CATSPERE: variants seen among roughly 807,000 people sequenced by gnomAD.
CATSPERE encodes cation channel sperm-associated auxiliary subunit epsilon.
In CATSPERE, 93 loss-of-function variants were observed where a neutral mutation model predicts 114.1. The observed-to-expected ratio is 0.81, with a 90% CI of 0.69 to 0.97. The LOEUF is 0.97. Among genes scored for constraint, CATSPERE ranks in the 50% least tolerant of loss-of-function variants. CATSPERE has a pLI of 0.00. For missense variants in CATSPERE, 1,058 were observed against 1,131.6 expected, an observed-to-expected ratio of 0.93 and a Z score of 0.93; for synonymous variants, 341 against 384.1, an observed-to-expected ratio of 0.89 and a Z score of 1.31.
chr1:244,572,399 A>G lies in CATSPERE; in HGVS notation c.1577A>G (p.Asp526Gly). The change falls in exon 11 of 22, where the codon GAT becomes GGT. Residue 526 changes from aspartate (D) to glycine (G), a missense_variant. By Grantham distance (94) the Asp-to-Gly change is moderately conservative (BLOSUM62 -1). Coordinates refer to ENST00000366534, the MANE Select transcript of CATSPERE (RefSeq NM_001130957.2). Reference sequence around the variant, plus strand: ...TTTTATTCCAAGATTAATACTAGAGATGCAGTAAAGCTGCATTTATGGACA... The same window carrying G: ...TTTTATTCCAAGATTAATACTAGAGGTGCAGTAAAGCTGCATTTATGGACA... ...VIFYSKINTR[D>G]AVKLHLWTNY... 1.3e-6 allele frequency: 2 copies of G among 1,556,908 alleles called. No individual in the cohort carries two copies. The highest frequency in any genetic ancestry group is 1.8e-6 in the Non-Finnish European group (2 of 1,128,386).
intron 10 of CATSPERE, 131 bp from the exon 11 acceptor site, chr1:244,572,199 A>G: frequency 3.2e-6 from 2 of 629,948 alleles, no homozygotes; most frequent in Non-Finnish European, 5.7e-6. Context: ...ATATCTGCAC[A>G]TTCTAACTTT....
rs1183302183 is a variant in CATSPERE at position 244,461,388 on chromosome 1, C to T, written c.-42C>T. On this transcript the variant is annotated 5_prime_UTR_variant, in exon 1 of 22. It adds an upstream start codon to the 5' untranslated region. Coordinates refer to ENST00000366534, the MANE Select transcript of CATSPERE (RefSeq NM_001130957.2). ...CCCACGGGAATGCGCGAGGCCTGGACGGGAGTGGCCGAGGCGGTTGGGCGG... is the reference window on the plus strand; with the variant it reads ...CCCACGGGAATGCGCGAGGCCTGGATGGGAGTGGCCGAGGCGGTTGGGCGG... The T allele has an allele frequency of 7.5e-6, 10 of 1,329,742 alleles. 1 individual carries two copies. The African/African-American group carries it at 9.2e-5, about 12-fold the overall frequency. The allele number at this position is 1,329,742 out of a possible 1,614,324, so 82.4% of individuals were successfully genotyped here.
chr1:244,552,924 AGTT>A (rs1231036908), intron 9 of CATSPERE, 110 bp downstream of exon 9: 1 of 536,794 alleles, frequency 1.9e-6, no homozygotes, highest in Admixed American at 4.7e-5. Flanking sequence ...CTCTTTGCCC[AGTT>A]GTTTTATCTA....
rs1010529483 is a variant in CATSPERE, at chr1:244,560,760, C to T, written c.1122C>T (p.Thr374=). 4 of 1,613,940 alleles carry T rather than the reference C, an allele frequency of 2.5e-6. No homozygotes were observed. Among genetic ancestry groups the T allele is most frequent in the Non-Finnish European group, 2.5e-6 (3 of 1,179,960 alleles). The change falls in exon 10 of 22, where the codon ACC becomes ACT. Residue 374 remains threonine, a synonymous_variant. Coordinates refer to ENST00000366534, the MANE Select transcript of CATSPERE (RefSeq NM_001130957.2). ...TTAAGTTTGCCAGATTAGTAACTAC[C>T]ACAGAACTGAAAAACATCCTAAGTC... The part of the protein sequence containing the change: ...ILLKFARLVT[T]TELKNILSLS...
In CATSPERE at chr1:244,464,181, T is replaced by A. The variant is rs1667237452; in HGVS notation, c.114+225T>A. Among the ~76,000 whole-genome samples the A allele has an allele frequency of 2.6e-5, 4 of 152,322 alleles. No individual in the cohort carries two copies. In the South Asian group the frequency reaches 8.3e-4, roughly 32 times the overall value. ...TTTGAGTGTTTTCGTGATTCACTGT[T>A]CACAATGTGATGTTATTATATAGGT... is the stretch of plus-strand genomic sequence containing the variant. On this transcript the variant is annotated intron_variant, in intron 2 of 21. Transcript: ENST00000366534.
In CATSPERE at chr1:244,639,923, T is replaced by A; in HGVS notation, c.2703-5T>A. The A allele has an allele frequency of 6.5e-7, 1 of 1,531,032 alleles. No individual in the cohort carries two copies. The allele number at this position is 1,531,032 out of a possible 1,614,324, so 94.8% of individuals were successfully genotyped here. ...AATGCCTTTTTTTTTTTTTTCTGAT[T>A]TCAGTCCAAGTGTCTACCTGGTAGC... On this transcript the variant is annotated splice_region_variant and splice_polypyrimidine_tract_variant and intron_variant, in intron 21 of 21. Coordinates refer to ENST00000366534, the MANE Select transcript of CATSPERE (RefSeq NM_001130957.2).
chr1:244,625,063 T>A (rs76730285), intron 20 of CATSPERE, among the ~76,000 whole-genome samples: 1 of 152,240 alleles, frequency 6.6e-6, no homozygotes, highest in African/African-American at 2.4e-5. Context: ...TCTCCCATGA[T>A]CATGAATGTT....
intron 2 of CATSPERE, among the ~76,000 whole-genome samples, chr1:244,470,405 T>C (rs1415568225): frequency 6.6e-6 from 1 of 152,158 alleles, no homozygotes; most frequent in Non-Finnish European, 1.5e-5. Flanking sequence ...AAAGAAGATA[T>C]CCAAATGGCC....
intron 17 of CATSPERE, among the ~76,000 whole-genome samples, chr1:244,599,138 A>T (rs575210313): frequency 2.6e-5 from 4 of 152,318 alleles, no homozygotes; most frequent in African/African-American, 9.6e-5. Context: ...ACATCCCATT[A>T]TCCAGAACCT....
intron 17 of CATSPERE, among the ~76,000 whole-genome samples, chr1:244,600,134 T>C (rs1668989311): frequency 1.3e-5 from 2 of 152,014 alleles, no homozygotes. Context: ...GCATAAAACA[T>C]AACAAAAATA....
At chr1:244,521,404 T>A (rs531893120) in intron 8 of CATSPERE, among the ~76,000 whole-genome samples, 1 of 152,152 alleles carries the variant, frequency 6.6e-6, no homozygotes, top group Non-Finnish European at 1.5e-5. Context: ...ATAAATGATA[T>A]ATGATCAAGT....
intron 19 of CATSPERE, among the ~76,000 whole-genome samples, chr1:244,615,084 G>A (rs1393286): frequency 0.58 from 88,459 of 151,416 alleles, 26,748 homozygotes; most frequent in Middle Eastern, 0.73. Flanking sequence ...GAGCTGCCCC[G>A]CCACCACCCC....
At chr1:244,461,802 G>T (rs917518214) in intron 1 of CATSPERE, among the ~76,000 whole-genome samples, 1 of 152,044 alleles carries the variant, frequency 6.6e-6, no homozygotes, top group Non-Finnish European at 1.5e-5. Context: ...TTTTTTGTTT[G>T]TTTAGGGCGG....
intron 9 of CATSPERE, among the ~76,000 whole-genome samples, chr1:244,555,924 G>C (rs1282364378): frequency 2.0e-5 from 3 of 152,176 alleles, no homozygotes; most frequent in Non-Finnish European, 4.4e-5. Context: ...GAGTAGAATA[G>C]TTCACACCTG....
intron 20 of CATSPERE, among the ~76,000 whole-genome samples, chr1:244,628,027 G>C (rs541956261): frequency 6.6e-6 from 1 of 152,154 alleles, no homozygotes; most frequent in Non-Finnish European, 1.5e-5. Flanking sequence ...CCATTGTAGC[G>C]TTAAAGCAAT....
At chr1:244,572,284 G>A (rs1374607490) in intron 10 of CATSPERE, 46 bp from the exon 11 acceptor site, 24 of 939,294 alleles carry the variant, frequency 2.6e-5, no homozygotes, top group South Asian at 1.2e-4. Flanking sequence ...AAAACAGCAC[G>A]ATTTATGGTT....
chr1:244,465,036 T>C (rs1667395866), intron 2 of CATSPERE, among the ~76,000 whole-genome samples: 1 of 149,452 alleles, frequency 6.7e-6, no homozygotes, highest in Non-Finnish European at 1.5e-5. Flanking sequence ...TTTTGGAGGC[T>C]CCTTTTTTTT....
rs558360340 is a variant in CATSPERE, at chr1:244,564,033, G to C, written c.1507+2888G>C. Among the ~76,000 whole-genome samples the C allele has an allele frequency of 5.3e-5, 8 of 152,174 alleles. No homozygotes were observed. The South Asian group carries it at 1.2e-3, about 24-fold the overall frequency. ...AATCCTTTCCCCATTGCTTGTTTTT[G>C]TCAGGTTTGTCAAAGATCAGATTGT... is the stretch of plus-strand genomic sequence containing the variant. On this transcript the variant is annotated intron_variant, in intron 10 of 21. Transcript: ENST00000366534.
intron 8 of CATSPERE, among the ~76,000 whole-genome samples, chr1:244,549,018 T>C (rs956617106): frequency 1.3e-5 from 2 of 152,228 alleles, no homozygotes; most frequent in Non-Finnish European, 2.9e-5. Context: ...CAGGAGATAC[T>C]GTATTTGCTG....
Sources: allele counts gnomAD v4.1 joint callset (sites outside exome capture counted in the v4.1 genomes callset), GRCh38; gene constraint gnomAD v4.1.1; transcripts MANE v1.5; gene names NCBI Gene and HGNC (gene_info 2026-07-23, HGNC 2026-07-21).